CHM: variants seen among roughly 807,000 people sequenced by gnomAD.
CHM encodes rab proteins geranylgeranyltransferase component A 1.
CHM carries 10 observed loss-of-function variants against 49.0 expected under a neutral mutation model. That is an observed-to-expected ratio of 0.20 (90% CI 0.13 to 0.35). The LOEUF (loss-of-function observed/expected upper bound fraction) is 0.35, where lower values mean the gene tolerates loss of function less well. Among genes scored for constraint, CHM ranks in the 10% least tolerant of loss-of-function variants. The probability of loss-of-function intolerance (pLI) is 1.00; values close to 1 mark genes in which losing one functional copy is unlikely to be tolerated. For synonymous variants in CHM, 184 were observed against 167.5 expected, an observed-to-expected ratio of 1.10 and a Z score of -0.76; for missense variants, 455 against 478.4, an observed-to-expected ratio of 0.95 and a Z score of 0.46.
chrX:85,999,400 A>G (rs1482071314), intron 2 of CHM, among the ~76,000 whole-genome samples: 2 of 111,796 alleles, frequency 1.8e-5, no homozygotes, highest in Non-Finnish European at 3.8e-5. Flanking sequence ...AATGACTAAG[A>G]AAAACTGAAT....
At chrX:86,030,698 G>A (rs1329809872) in intron 1 of CHM, among the ~76,000 whole-genome samples, 1 of 110,974 alleles carries the variant, frequency 9.0e-6, no homozygotes, top group African/African-American at 3.3e-5. Flanking sequence ...GGGAGTCATG[G>A]AAAGCTCCAA....
chrX:85,934,279 C>CTTTT (rs769967072), intron 8 of CHM, among the ~76,000 whole-genome samples: 1 of 71,276 alleles, frequency 1.4e-5, no homozygotes, highest in Non-Finnish European at 2.7e-5. Context: ...TGCGCTCAGC[C>CTTTT]TTTTTTTTTT....
chrX:86,036,057 T>C (rs1260385649), intron 1 of CHM, among the ~76,000 whole-genome samples: 1 of 110,730 alleles, frequency 9.0e-6, no homozygotes, highest in East Asian at 2.8e-4. Flanking sequence ...CCTCCCAAAG[T>C]GCTGAGATTA....
rs1266556611 is a variant in CHM, at chrX:85,861,432, A to AC, written c.*3197dup. ...CTCTTTAGGACTTTAGACAAAGGCT[A>AC]CCAAGGCTGACAATCCAGGTAACTA... On this transcript the variant is annotated 3_prime_UTR_variant, in exon 15 of 15. Coordinates refer to ENST00000357749, the MANE Select transcript of CHM (RefSeq NM_000390.4). The AC allele has an allele frequency of 9.0e-6, 1 of 111,659 alleles. No homozygotes were observed. The highest frequency in any genetic ancestry group is 2.8e-4 in the East Asian group (1 of 3,572). 9.2% of individuals were successfully genotyped at this position (111,659 alleles called of 1,213,427 possible). A position where few individuals can be genotyped will look rare whatever the true frequency, so the allele number is the denominator to read the frequency against.
chrX:86,022,107 T>C (rs113437994), intron 2 of CHM, among the ~76,000 whole-genome samples: 4,000 of 111,605 alleles, frequency 0.036, 190 homozygotes, highest in African/African-American at 0.12. Flanking sequence ...TGGAGATCTG[T>C]TGCACAACAA....
At chrX:86,007,189 G>A (rs1456554580) in intron 2 of CHM, among the ~76,000 whole-genome samples, 7 of 112,005 alleles carry the variant, frequency 6.2e-5, no homozygotes, top group Non-Finnish European at 1.3e-4. Flanking sequence ...AATGGTGCTG[G>A]GAAAACTGGA....
intron 11 of CHM, among the ~76,000 whole-genome samples, chrX:85,895,609 A>G (rs1372484399): frequency 8.9e-6 from 1 of 112,310 alleles, no homozygotes; most frequent in Non-Finnish European, 1.9e-5. Flanking sequence ...TGAGAATGTC[A>G]CAGTGATGGC....
intron 2 of CHM, among the ~76,000 whole-genome samples, chrX:85,995,858 A>C (rs1932414128): frequency 9.0e-6 from 1 of 111,580 alleles, no homozygotes; most frequent in African/African-American, 3.3e-5. Flanking sequence ...AGACATCATA[A>C]AATCTGTCTT....
chrX:85,998,374 G>A (rs1325555268), intron 2 of CHM, among the ~76,000 whole-genome samples: 1 of 111,391 alleles, frequency 9.0e-6, no homozygotes, highest in African/African-American at 3.3e-5. Flanking sequence ...CATAAAAAAC[G>A]ATAATGAGTC....
chrX:85,901,401 A>G (rs1224583187), intron 9 of CHM, among the ~76,000 whole-genome samples: 1 of 111,537 alleles, frequency 9.0e-6, no homozygotes, highest in African/African-American at 3.3e-5. Context: ...AAAGTACAAA[A>G]TGAACATGGA....
chrX:85,910,654 T>A (rs944748412), intron 9 of CHM, among the ~76,000 whole-genome samples: 6 of 111,538 alleles, frequency 5.4e-5, no homozygotes, highest in African/African-American at 2.0e-4. Flanking sequence ...TTGTAAAAAA[T>A]TTATCCTTAG....
intron 4 of CHM, among the ~76,000 whole-genome samples, chrX:85,968,399 G>A (rs767628921): frequency 2.7e-5 from 3 of 112,075 alleles, no homozygotes; most frequent in East Asian, 2.8e-4. Context: ...TGTGCAGCAG[G>A]ACTGTTGGTT....
At chrX:85,890,444 C>T (rs1323730511) in intron 12 of CHM, among the ~76,000 whole-genome samples, 2 of 111,662 alleles carry the variant, frequency 1.8e-5, no homozygotes, top group East Asian at 5.7e-4. Flanking sequence ...TCCCAGAATT[C>T]CCATGTGTTG....
intron 8 of CHM, among the ~76,000 whole-genome samples, chrX:85,932,103 T>C (rs1317337705): frequency 8.9e-6 from 1 of 112,219 alleles, no homozygotes; most frequent in East Asian, 2.8e-4. Context: ...TGGAGATATG[T>C]CACCCATAGC....
At chrX:85,926,420 A>G (rs1928082200) in intron 8 of CHM, among the ~76,000 whole-genome samples, 1 of 111,238 alleles carries the variant, frequency 9.0e-6, no homozygotes, top group Admixed American at 9.6e-5. Context: ...TGGTTGAGAT[A>G]TAATTACCTC....
intron 8 of CHM, among the ~76,000 whole-genome samples, chrX:85,926,685 C>A (rs1237213431): frequency 9.0e-6 from 1 of 111,564 alleles, no homozygotes; most frequent in East Asian, 2.8e-4. Flanking sequence ...CACAAACTGG[C>A]AAGAGCTATT....
chrX:85,956,273 C>G lies in CHM; in HGVS notation c.1046G>C (p.Ser349Thr), dbSNP rs149433996. Reference protein sequence around the residue: ...HSIAMTSETASSTIDGLKATK... With the variant: ...HSIAMTSETATSTIDGLKATK... Reference sequence around the variant, plus strand: ...AGCTTTGAGACCATCTATGGTGCTGCTGGCTGTCTCTGATGTCATTGCAAT... The same window carrying G: ...AGCTTTGAGACCATCTATGGTGCTGGTGGCTGTCTCTGATGTCATTGCAAT... The change falls in exon 8 of 15, where the codon AGC becomes ACC. Residue 349 changes from serine to threonine, a missense_variant. Transcript: ENST00000357749. The G allele has an allele frequency of 3.3e-6, 4 of 1,211,232 alleles. No individual in the cohort carries two copies. The highest frequency in any genetic ancestry group is 4.5e-6 in the Non-Finnish European group (4 of 895,232).
chrX:85,874,028 A>G (rs966280963), intron 13 of CHM, among the ~76,000 whole-genome samples: 1 of 111,248 alleles, frequency 9.0e-6, no homozygotes, highest in Non-Finnish European at 1.9e-5. Context: ...ATACACATGA[A>G]GTAGACTTAG....
At chrX:85,892,318 C>T (rs751927911) in intron 12 of CHM, among the ~76,000 whole-genome samples, 1 of 110,517 alleles carries the variant, frequency 9.0e-6, no homozygotes, top group Non-Finnish European at 1.9e-5. Context: ...TGGCTGTGTC[C>T]CCACTGAAAT....
Sources: allele counts gnomAD v4.1 joint callset (sites outside exome capture counted in the v4.1 genomes callset), GRCh38; gene constraint gnomAD v4.1.1; transcripts MANE v1.5; gene names NCBI Gene and HGNC (gene_info 2026-07-23, HGNC 2026-07-21).